Variants in SLC9A3 observed in about 807,000 individuals in gnomAD.
SLC9A3 encodes the protein sodium/hydrogen exchanger 3.
SLC9A3 carries 37 observed loss-of-function variants against 86.8 expected under a neutral mutation model. The ratio of observed to expected loss-of-function variants is 0.43; its 90% confidence interval spans 0.33 to 0.56. The LOEUF (loss-of-function observed/expected upper bound fraction) is 0.56, where lower values mean the gene tolerates loss of function less well. Ranked by LOEUF, SLC9A3 falls within the 20% of genes least tolerant of loss-of-function variation. The probability of loss-of-function intolerance (pLI) is 0.06; values close to 1 mark genes in which losing one functional copy is unlikely to be tolerated. For missense variants in SLC9A3, 1,011 were observed against 1,171.9 expected, an observed-to-expected ratio of 0.86 and a Z score of 2.00; for synonymous variants, 581 against 528.3, an observed-to-expected ratio of 1.10 and a Z score of -1.37.
In SLC9A3 at chr5:496,717, A is replaced by T. The variant is rs1375479296; in HGVS notation, c.212-4646T>A. The stretch of plus-strand genomic sequence containing the variant: ...CATTCCTGCTCATGTTTCCTGCTAA[A>T]TTTTTTAGCAGGAAAAATAAAGGCA... On this transcript the variant is annotated intron_variant, in intron 1 of 16. Coordinates refer to ENST00000264938, the MANE Select transcript of SLC9A3 (RefSeq NM_004174.4). This position sits in a 1 kb window ranked among gnomAD's most constrained non-coding sequence, Gnocchi z 4.7. Among the ~76,000 whole-genome samples, 2 of 151,960 alleles carry T rather than the reference A, an allele frequency of 1.3e-5. No individual in the cohort carries two copies. Among genetic ancestry groups the T allele is most frequent in the Non-Finnish European group, 2.9e-5 (2 of 67,968 alleles).
In SLC9A3 at chr5:476,746, C is replaced by T. The variant is rs180835201; in HGVS notation, c.1761-74G>A. On this transcript the variant is annotated intron_variant, in intron 11 of 16. Transcript: ENST00000264938. ...CTCTTGCGCGCCCCTCGCCTTCCCA[C>T]GGCGGGCATCTGGCCCTGGCTGCCT... 5.7e-4 allele frequency: 879 copies of T among 1,554,348 alleles called. 37 individuals are homozygous for T. The East Asian group carries it at 9.8e-3, about 17-fold the overall frequency.
At chr5:473,451 G>T in intron 16 of SLC9A3, 69 bp from the exon 17 acceptor site, 1 of 1,265,040 alleles carries the variant, frequency 7.9e-7, no homozygotes, top group Non-Finnish European at 1.0e-6. Context: ...GTCCCCGGGG[G>T]CCTCAGCTGT....
At chr5:512,872 G>A (rs1579823442) in intron 1 of SLC9A3, among the ~76,000 whole-genome samples, 1 of 152,124 alleles carries the variant, frequency 6.6e-6, no homozygotes, top group East Asian at 1.9e-4. Flanking sequence ...AGGCCCAGCA[G>A]CCAGTCTCAT....
chr5:517,536 A>G (rs934640844), intron 1 of SLC9A3, among the ~76,000 whole-genome samples: 1 of 150,614 alleles, frequency 6.6e-6, no homozygotes, highest in Non-Finnish European at 1.5e-5. Flanking sequence ...CCATCCATCA[A>G]TCCACTCATC....
chr5:522,370 TGGC>T (rs1733908242), intron 1 of SLC9A3, among the ~76,000 whole-genome samples: 2 of 152,256 alleles, frequency 1.3e-5, no homozygotes, highest in Non-Finnish European at 2.9e-5. Flanking sequence ...CAGGCGGGGC[TGGC>T]TGGTGCCTGG....
chr5:489,592 C>G (rs959757185), intron 2 of SLC9A3, among the ~76,000 whole-genome samples: 3 of 152,230 alleles, frequency 2.0e-5, no homozygotes, highest in Non-Finnish European at 4.4e-5. Context: ...GCCAGTGTCA[C>G]AACACCCCGA....
At position 473,173 on chromosome 5, in the gene SLC9A3, CCGGCTCGCCCT is replaced by C. The variant is rs1328134716; in HGVS notation, c.*195_*205del. The C allele has an allele frequency of 2.1e-6, 1 of 469,578 alleles. No homozygotes were observed. The highest frequency in any genetic ancestry group is 3.3e-6 in the Non-Finnish European group (1 of 305,764). The allele number at this position is 469,578 out of a possible 1,614,324, so 29.1% of individuals were successfully genotyped here. A position where few individuals can be genotyped will look rare whatever the true frequency, so the allele number is the denominator to read the frequency against. ...CCCGCCCCCGGCGCAGGCCCCGCCC[CCGGCTCGCCCT>C]CGGGCGGCTCTGCGGGCGCAGGCGC... On this transcript the variant is annotated 3_prime_UTR_variant, in exon 17 of 17. Coordinates refer to ENST00000264938, the MANE Select transcript of SLC9A3 (RefSeq NM_004174.4).
intron 1 of SLC9A3, among the ~76,000 whole-genome samples, chr5:495,413 C>T (rs1158787057): frequency 7.5e-6 from 1 of 133,822 alleles, no homozygotes; most frequent in African/African-American, 2.8e-5. Flanking sequence ...CCACGCTCCA[C>T]TCCCCGCGCC....
At chr5:483,729 A>G (rs1031549838) in intron 5 of SLC9A3, among the ~76,000 whole-genome samples, 8 of 152,254 alleles carry the variant, frequency 5.3e-5, no homozygotes, top group African/African-American at 1.9e-4. Context: ...AGGGAGGGCA[A>G]CAAAGGGTTC....
chr5:479,535 G>A (rs976649204), intron 10 of SLC9A3: 1 of 364,646 alleles, frequency 2.7e-6, no homozygotes, highest in Non-Finnish European at 5.2e-6. Context: ...GTAACAGCCT[G>A]CCTGCTTACC....
intron 3 of SLC9A3, among the ~76,000 whole-genome samples, chr5:486,798 G>T (rs765008008): frequency 3.9e-5 from 6 of 152,174 alleles, no homozygotes; most frequent in Middle Eastern, 3.2e-3. Context: ...GTGAGGACAC[G>T]GGAAGGCACC....
chr5:472,476 C>T lies in SLC9A3; in HGVS notation c.*903G>A, dbSNP rs1421027789. The T allele has an allele frequency of 3.0e-6, 1 of 335,296 alleles. No homozygotes were observed. The highest frequency in any genetic ancestry group is 5.9e-6 in the Non-Finnish European group (1 of 170,616). The allele number at this position is 335,296 out of a possible 1,614,324, so 20.8% of individuals were successfully genotyped here. A position where few individuals can be genotyped will look rare whatever the true frequency, so the allele number is the denominator to read the frequency against. ...CCCGCCAGGCCACCTCTCACCCAGC[C>T]AGGGCACCCCGGGCGACCTCCGCGC... On this transcript the variant is annotated 3_prime_UTR_variant, in exon 17 of 17. Coordinates refer to ENST00000264938, the MANE Select transcript of SLC9A3 (RefSeq NM_004174.4).
At chr5:504,502 C>A (rs1038896456) in intron 1 of SLC9A3, among the ~76,000 whole-genome samples, 3 of 152,202 alleles carry the variant, frequency 2.0e-5, no homozygotes, top group African/African-American at 2.4e-5. Context: ...TGTCCGGCGG[C>A]GGCAGCCAGG....
chr5:515,329 C>A (rs1462583422), intron 1 of SLC9A3, among the ~76,000 whole-genome samples: 1 of 152,140 alleles, frequency 6.6e-6, no homozygotes, highest in Non-Finnish European at 1.5e-5. Flanking sequence ...TCCTTTCAGG[C>A]CCCTGTGGAC....
chr5:494,584 C>T (rs1160722319), intron 1 of SLC9A3, among the ~76,000 whole-genome samples: 1 of 152,176 alleles, frequency 6.6e-6, no homozygotes, highest in Non-Finnish European at 1.5e-5. Flanking sequence ...TTAATAATGT[C>T]CAGAGAGAAG....
rs1560957869 is a variant in SLC9A3 at position 487,071 on chromosome 5, C to CCAG, written c.675+1244_675+1245insCTG. Reference sequence around the variant, plus strand: ...CACTGACACCCACCACACTGACACCCACCGCACTGACACCCACCACACTGA... The same window carrying CCAG: ...CACTGACACCCACCACACTGACACCCCAGACCGCACTGACACCCACCACACTGA... On this transcript the variant is annotated intron_variant, in intron 3 of 16. Transcript: ENST00000264938. 9.8e-3 allele frequency among the ~76,000 whole-genome samples: 2 copies of CCAG among 204 alleles called. 1 individual carries two copies. Among genetic ancestry groups the CCAG allele is most frequent in the Non-Finnish European group, 0.053 (2 of 38 alleles). 0.1% of individuals were successfully genotyped at this position (204 alleles called of 152,430 possible). A position where few individuals can be genotyped will look rare whatever the true frequency, so the allele number is the denominator to read the frequency against.
At chr5:518,027 A>T (rs552315270) in intron 1 of SLC9A3, among the ~76,000 whole-genome samples, 1 of 152,342 alleles carries the variant, frequency 6.6e-6, no homozygotes, top group Admixed American at 6.5e-5. Context: ...TCACTCATCC[A>T]TCCATCCATC....
Position 470,857 on chromosome 5 carries a change from T to G in SLC9A3, c.*2522A>C, listed in dbSNP as rs1421087669. 1 of 152,342 alleles carries G rather than the reference T, an allele frequency of 6.6e-6. No individual in the cohort carries two copies. 9.4% of individuals were successfully genotyped at this position (152,342 alleles called of 1,614,324 possible). On this transcript the variant is annotated 3_prime_UTR_variant, in exon 17 of 17. Transcript: ENST00000264938. ...TAGTCTATCACAAAGTAGGCCAAAG[T>G]TCAGTATTAAATAGATATCCTAATA...
chr5:524,059 C>G, intron 1 of SLC9A3, 53 bp downstream of exon 1: 1 of 1,284,018 alleles, frequency 7.8e-7, no homozygotes, highest in East Asian at 3.2e-5. Context: ...CCAGGCCCAG[C>G]AGAGGCGGCC....
Sources: allele counts gnomAD v4.1 joint callset (sites outside exome capture counted in the v4.1 genomes callset), GRCh38; gene constraint gnomAD v4.1.1; non-coding constraint Gnocchi (gnomAD v3.1); transcripts MANE v1.5; gene names NCBI Gene and HGNC (gene_info 2026-07-23, HGNC 2026-07-21).